Variants in SSBP2 observed in about 807,000 individuals in gnomAD.
SSBP2 encodes single-stranded DNA-binding protein 2.
Under a neutral mutation model 61.8 loss-of-function variants are expected in SSBP2, and 17 were observed. That is an observed-to-expected ratio of 0.28 (90% CI 0.19 to 0.41). The LOEUF (loss-of-function observed/expected upper bound fraction) is 0.41, where lower values mean the gene tolerates loss of function less well. Among genes scored for constraint, SSBP2 ranks in the 10% least tolerant of loss-of-function variants. The pLI, the probability that SSBP2 is intolerant of heterozygous loss-of-function variation, is 1.00. For missense variants in SSBP2, 310 were observed against 458.7 expected (o/e 0.68, Z 2.96); for synonymous variants, 139 against 141.3 (o/e 0.98, Z 0.12).
intron 12 of SSBP2, chr5:81,442,979 T>G (rs1030874764): frequency 3.9e-6 from 1 of 258,582 alleles, no homozygotes; most frequent in African/African-American, 2.2e-5. Flanking sequence ...TAAAAAATTA[T>G]AGTAAAGTTT....
intron 1 of SSBP2, among the ~76,000 whole-genome samples, chr5:81,682,960 T>C (rs1479171882): frequency 1.3e-5 from 2 of 152,052 alleles, no homozygotes; most frequent in African/African-American, 4.8e-5. Context: ...TAACAAAATA[T>C]GTACAAGATC....
intron 9 of SSBP2, among the ~76,000 whole-genome samples, chr5:81,465,052 A>G (rs1031351100): frequency 1.3e-5 from 2 of 151,938 alleles, no homozygotes; most frequent in Non-Finnish European, 2.9e-5. Flanking sequence ...AAGTTTCCCT[A>G]TTAGAGGAAA....
intron 5 of SSBP2, among the ~76,000 whole-genome samples, chr5:81,504,107 A>G (rs1162653946): frequency 6.6e-6 from 1 of 152,136 alleles, no homozygotes; most frequent in Non-Finnish European, 1.5e-5. Flanking sequence ...TATATAACAA[A>G]CCAGCACATG....
At chr5:81,464,412 A>G (rs1764754694) in intron 9 of SSBP2, among the ~76,000 whole-genome samples, 2 of 152,192 alleles carry the variant, frequency 1.3e-5, no homozygotes, top group South Asian at 4.1e-4. Context: ...GGCTTCTAAG[A>G]TACAATACTG....
intron 1 of SSBP2, among the ~76,000 whole-genome samples, chr5:81,665,988 GA>G (rs1330653166): frequency 6.6e-6 from 1 of 152,202 alleles, no homozygotes; most frequent in African/African-American, 2.4e-5. Context: ...CTGCTCATAA[GA>G]CTGTGAGTAG....
chr5:81,645,265 G>C (rs1187631292), intron 2 of SSBP2, among the ~76,000 whole-genome samples: 2 of 152,166 alleles, frequency 1.3e-5, no homozygotes, highest in Non-Finnish European at 2.9e-5. Flanking sequence ...CGAGAGACTG[G>C]TTAGGAAATA....
At chr5:81,735,569 A>C (rs932436808) in intron 1 of SSBP2, among the ~76,000 whole-genome samples, 4 of 152,122 alleles carry the variant, frequency 2.6e-5, no homozygotes, top group Non-Finnish European at 5.9e-5. Flanking sequence ...GAGATTAATG[A>C]CAAGAAGAAA....
chr5:81,534,060 A>T (rs116523160), intron 4 of SSBP2, among the ~76,000 whole-genome samples: 2,065 of 152,240 alleles, frequency 0.014, 29 homozygotes, highest in South Asian at 0.075. Context: ...TCAGAGCCTA[A>T]CTGCCTAAGA....
intron 1 of SSBP2, among the ~76,000 whole-genome samples, chr5:81,686,746 T>C (rs1014646888): frequency 1.3e-5 from 2 of 149,606 alleles, no homozygotes; most frequent in African/African-American, 4.9e-5. Context: ...TCCTAGCTAC[T>C]CAGGAGGCTG....
intron 12 of SSBP2, chr5:81,442,928 G>A: frequency 2.7e-6 from 1 of 376,158 alleles, no homozygotes; most frequent in South Asian, 8.6e-5. Context: ...TAGGTATGAG[G>A]AATCACTTCA....
chr5:81,520,525 C>G (rs1161460477), intron 4 of SSBP2, among the ~76,000 whole-genome samples: 2 of 152,070 alleles, frequency 1.3e-5, no homozygotes, highest in Non-Finnish European at 2.9e-5. Flanking sequence ...AAAAGATATG[C>G]TTTAATTCAC....
At chr5:81,707,636 T>C (rs2153911766) in intron 1 of SSBP2, among the ~76,000 whole-genome samples, 1 of 152,276 alleles carries the variant, frequency 6.6e-6, no homozygotes, top group Non-Finnish European at 1.5e-5. Context: ...GGTAGTACTT[T>C]GTTACAGCAG....
chr5:81,671,838 T>A (rs1331654583), intron 1 of SSBP2, among the ~76,000 whole-genome samples: 1 of 152,082 alleles, frequency 6.6e-6, no homozygotes, highest in African/African-American at 2.4e-5. Context: ...GAAGAAACCA[T>A]GGAAGAGGTT....
intron 1 of SSBP2, among the ~76,000 whole-genome samples, chr5:81,718,938 C>A (rs1004127252): frequency 3.3e-5 from 5 of 152,130 alleles, no homozygotes; most frequent in African/African-American, 9.7e-5. Flanking sequence ...TTGCTATGAA[C>A]CTCTTACATA....
chr5:81,705,277 A>T (rs1754290464), intron 1 of SSBP2, among the ~76,000 whole-genome samples: 1 of 152,146 alleles, frequency 6.6e-6, no homozygotes, highest in Admixed American at 6.5e-5. Context: ...ATTAATCTGC[A>T]AATAAAATGT....
chr5:81,713,179 T>C (rs1394668306), intron 1 of SSBP2, among the ~76,000 whole-genome samples: 1 of 152,086 alleles, frequency 6.6e-6, no homozygotes, highest in Non-Finnish European at 1.5e-5. Flanking sequence ...TATTACATAA[T>C]AGAATCTCCA....
At chr5:81,696,569 G>C (rs756190400) in intron 1 of SSBP2, among the ~76,000 whole-genome samples, 10 of 152,176 alleles carry the variant, frequency 6.6e-5, no homozygotes, top group Non-Finnish European at 1.2e-4. Context: ...GATTACAGTT[G>C]AAACTCATTC....
chr5:81,558,867 A>G (rs1486489066), intron 4 of SSBP2, among the ~76,000 whole-genome samples: 1 of 152,258 alleles, frequency 6.6e-6, no homozygotes, highest in Non-Finnish European at 1.5e-5. Context: ...TCAGAATAGA[A>G]CATCTGATCT....
rs369498228 is a variant in SSBP2 at position 81,544,142 on chromosome 5, C to T, written c.283-30425G>A. 1.7e-3 allele frequency among the ~76,000 whole-genome samples: 255 copies of T among 152,210 alleles called. 1 individual carries two copies. Among genetic ancestry groups the T allele is most frequent in the African/African-American group, 5.9e-3 (247 of 41,538 alleles). On this transcript the variant is annotated intron_variant, in intron 4 of 16. Coordinates refer to ENST00000320672, the MANE Select transcript of SSBP2 (RefSeq NM_012446.5). ...TCGGCTCACTGCAAGCTCCGCCTCC[C>T]GGGTTCACGACATTCTCCTGCCTCA... is the stretch of plus-strand genomic sequence containing the variant.
Sources: gnomAD v4.1 joint callset for allele counts (sites outside exome capture counted in the v4.1 genomes callset) on GRCh38, gnomAD v4.1.1 for gene constraint, MANE v1.5 for transcripts, NCBI Gene and HGNC (gene_info 2026-07-23, HGNC 2026-07-21) for gene names.